Variants in COL16A1 observed in about 807,000 individuals in gnomAD.
COL16A1 encodes the protein collagen alpha-1(XVI) chain.
COL16A1 carries 189 observed loss-of-function variants against 266.3 expected under a neutral mutation model. The ratio of observed to expected loss-of-function variants is 0.71; its 90% CI spans 0.63 to 0.80. The LOEUF (loss-of-function observed/expected upper bound fraction) is 0.80, where lower values mean the gene tolerates loss of function less well. Among genes scored for constraint, COL16A1 ranks in the 30% least tolerant of loss-of-function variants. COL16A1 has a pLI of 0.00. For synonymous variants in COL16A1, 740 were observed against 782.3 expected (o/e 0.95, Z 0.90); for missense variants, 1,928 against 2,122.4 (o/e 0.91, Z 1.80).
chr1:31,691,851 C>A (rs1011104607), intron 17 of COL16A1, among the ~76,000 whole-genome samples, 154 bp downstream of exon 17: 1 of 151,892 alleles, frequency 6.6e-6, no homozygotes, highest in Non-Finnish European at 1.5e-5. Flanking sequence ...GGGCTCAGGT[C>A]CTTTTCTGTC....
In COL16A1 at chr1:31,661,088, C is replaced by A. The variant is rs1398476199; in HGVS notation, c.3803G>T (p.Ser1268Ile). The A allele has an allele frequency of 6.4e-7, 1 of 1,566,106 alleles. No homozygotes were observed. Among genetic ancestry groups the A allele is most frequent in the South Asian group, 1.2e-5 (1 of 85,138 alleles). The change falls in exon 61 of 71, where the codon AGC (serine) becomes ATC (isoleucine). Residue 1268 changes from serine to isoleucine, a missense_variant. Ser to Ile is a moderately radical substitution (Grantham distance 142, BLOSUM62 -2). Around this residue, in one of 2 missense-constraint regions of COL16A1, gnomAD observed 376 missense variants for 485.2 expected, o/e 0.77. Coordinates refer to ENST00000373672, the MANE Select transcript of COL16A1 (RefSeq NM_001856.4). ...CACCTCTGCGCCAGGCCGGCCAGTG[C>A]TGCCAGGGGGACCTGGTTTGCCACA... is the stretch of plus-strand genomic sequence containing the variant. ...GDCGKPGPPG[S>I]TGRPGAEGEP...
chr1:31,697,388 C>CT lies in COL16A1; in HGVS notation c.658-89_658-88insA. 7.5e-7 allele frequency: 1 copy of CT among 1,330,718 alleles called. No individual in the cohort carries two copies. Among genetic ancestry groups the CT allele is most frequent in the Non-Finnish European group, 1.0e-6 (1 of 964,780 alleles). The allele number at this position is 1,330,718 out of a possible 1,614,324, so 82.4% of individuals were successfully genotyped here. On this transcript the variant is annotated intron_variant, in intron 6 of 70. Transcript: ENST00000373672. The surrounding 1 kb of genome is among the most constrained non-coding windows in gnomAD (Gnocchi z 4.2). ...CCAGGAGGCACAGAGATGTCTCTGC[C>CT]CCAGGATGTGACCTCAGGGTGTTTC...
chr1:31,698,016 GCA>G lies in COL16A1; in HGVS notation c.545_546del (p.Val182AlafsTer31), dbSNP rs1644573900. On this transcript the variant is annotated frameshift_variant, in exon 6 of 71. Coordinates refer to ENST00000373672, the MANE Select transcript of COL16A1 (RefSeq NM_001856.4). LOFTEE classifies it high-confidence loss of function. This position sits in a 1 kb window ranked among gnomAD's most constrained non-coding sequence, Gnocchi z 4.1. ...MLSVAGRVAS[V>X]HVDCSSASSQ... is the part of the protein sequence containing the mutation. ...GAGGAGGCTGAGCTGCAGTCCACGT[GCA>G]CAGAGGCCACACGTCCAGCCACACT... The G allele has an allele frequency of 1.9e-6, 3 of 1,613,602 alleles. No homozygotes were observed. The highest frequency in any genetic ancestry group is 2.5e-6 in the Non-Finnish European group (3 of 1,180,034).
chr1:31,696,211 C>G (rs1644492580), intron 8 of COL16A1, 70 bp from the exon 9 acceptor site: 1 of 1,426,148 alleles, frequency 7.0e-7, no homozygotes, highest in African/African-American at 1.4e-5. Flanking sequence ...GAAAGGGGCA[C>G]CCAGGCAGGG....
chr1:31,661,531 G>T, intron 59 of COL16A1, 73 bp from the exon 60 acceptor site: 1 of 1,613,192 alleles, frequency 6.2e-7, no homozygotes, highest in Non-Finnish European at 8.5e-7. Flanking sequence ...TCCTTCCTCA[G>T]TTCAAACAAT....
rs1641917021 is a variant in COL16A1 at position 31,664,091 on chromosome 1, T to G, written c.3555+1081A>C. On this transcript the variant is annotated intron_variant, in intron 56 of 70. Coordinates refer to ENST00000373672, the MANE Select transcript of COL16A1 (RefSeq NM_001856.4). The surrounding 1 kb of genome is among the most constrained non-coding windows in gnomAD (Gnocchi z 5.5). Reference sequence around the variant, plus strand: ...GATGAAGAACCACTGGCCAGAGGTTTGGGATTCTCTGCAATGACCAGCCTA... The same window carrying G: ...GATGAAGAACCACTGGCCAGAGGTTGGGGATTCTCTGCAATGACCAGCCTA... 6.8e-6 allele frequency among the ~76,000 whole-genome samples: 1 copy of G among 148,112 alleles called. No individual in the cohort carries two copies. The highest frequency in any genetic ancestry group is 2.1e-4 in the South Asian group (1 of 4,704).
At chr1:31,695,143 C>G (rs114765615) in intron 11 of COL16A1, 43 bp downstream of exon 11, 1 of 1,609,706 alleles carries the variant, frequency 6.2e-7, no homozygotes, top group African/African-American at 1.3e-5. Flanking sequence ...CGTCCACTCC[C>G]GGCTCTTGCC....
chr1:31,690,314 A>T, intron 22 of COL16A1, 53 bp downstream of exon 22: 1 of 1,611,302 alleles, frequency 6.2e-7, no homozygotes, highest in Non-Finnish European at 8.5e-7. Context: ...TGTCATGTGC[A>T]GAAAGGGGGT....
intron 43 of COL16A1, 47 bp from the exon 44 acceptor site, chr1:31,675,086 A>G (rs751702705): frequency 1.2e-6 from 2 of 1,612,284 alleles, no homozygotes; most frequent in East Asian, 2.2e-5. Flanking sequence ...GGGAAGGAAC[A>G]TGGAGACTTA....
intron 42 of COL16A1, 111 bp from the exon 43 acceptor site, chr1:31,675,422 A>G (rs1643104250): frequency 6.8e-7 from 1 of 1,481,396 alleles, no homozygotes; most frequent in Admixed American, 2.0e-5. Flanking sequence ...TGCAGAGCTG[A>G]GAGCCCTGGC....
intron 37 of COL16A1, among the ~76,000 whole-genome samples, chr1:31,682,553 G>T (rs919140719): frequency 6.6e-6 from 1 of 152,124 alleles, no homozygotes; most frequent in African/African-American, 2.4e-5. Context: ...CTAATGACTG[G>T]GGATGGGCTT....
At position 31,697,765 on chromosome 1, in the gene COL16A1, T is replaced by A; in HGVS notation, c.657+141A>T. ...GGGCCTTGAATGCCAGGTGAATATG[T>A]TTAGGCTGCATTTGGAGGGCAACAG... On this transcript the variant is annotated intron_variant, in intron 6 of 70. Transcript: ENST00000373672. This position sits in a 1 kb window ranked among gnomAD's most constrained non-coding sequence, Gnocchi z 4.2. 3.0e-6 allele frequency: 3 copies of A among 1,010,752 alleles called. No homozygotes were observed. The allele number at this position is 1,010,752 out of a possible 1,614,324, so 62.6% of individuals were successfully genotyped here.
In COL16A1 at chr1:31,662,363, C is replaced by A. The variant is rs1346083523; in HGVS notation, c.3652G>T (p.Asp1218Tyr). The change falls in exon 58 of 71, where the codon GAT becomes TAT. Residue 1218 changes from aspartate to tyrosine, a missense_variant. Physicochemically the swap from Asp to Tyr is radical, Grantham distance 160 (BLOSUM62 -3). This residue lies in a region of COL16A1 where 1,552 missense variants were observed against 1,637.2 expected (regional missense o/e 0.95). Transcript: ENST00000373672. ...IQGPAGLDGLDGKDGKPGLRG... is the reference protein window; with the variant it reads ...IQGPAGLDGLYGKDGKPGLRG... ...AAGCCAGGCTTGCCGTCCTTCCCAT[C>A]CAAACCATCCAGACCGGCGGGGCCC... The A allele has an allele frequency of 1.3e-6, 2 of 1,529,128 alleles. No individual in the cohort carries two copies. The highest frequency in any genetic ancestry group is 3.5e-5 in the Admixed American group (2 of 57,434). The allele number at this position is 1,529,128 out of a possible 1,614,324, so 94.7% of individuals were successfully genotyped here.
chr1:31,688,463 T>C lies in COL16A1; in HGVS notation c.1803+4A>G. 1 of 1,614,108 alleles carries C rather than the reference T, an allele frequency of 6.2e-7. No individual in the cohort carries two copies. Among genetic ancestry groups the C allele is most frequent in the East Asian group, 2.2e-5 (1 of 44,886 alleles). On this transcript the variant is annotated splice_donor_region_variant and intron_variant, in intron 26 of 70. Coordinates refer to ENST00000373672, the MANE Select transcript of COL16A1 (RefSeq NM_001856.4). The surrounding 1 kb of genome is among the most constrained non-coding windows in gnomAD (Gnocchi z 4.9). ...GTGTCCCTGACATCTAACCCAGGTC[T>C]CACCTTCTCTCCTTTCAGCCCTGGA... is the stretch of plus-strand genomic sequence containing the variant.
Position 31,665,951 on chromosome 1 carries a change from A to G in COL16A1, c.3403-16T>C. On this transcript the variant is annotated splice_polypyrimidine_tract_variant and intron_variant, in intron 53 of 70. Coordinates refer to ENST00000373672, the MANE Select transcript of COL16A1 (RefSeq NM_001856.4). ...CTCTGGGACCCTGTCACCCACAGAG[A>G]ACAATGCAGCCGAAACCTAATCTTC... 1 of 1,614,000 alleles carries G rather than the reference A, an allele frequency of 6.2e-7. No homozygotes were observed. The highest frequency in any genetic ancestry group is 8.5e-7 in the Non-Finnish European group (1 of 1,179,970).
chr1:31,672,900 C>A (rs1222568300), intron 44 of COL16A1, 60 bp from the exon 45 acceptor site: 1 of 1,523,052 alleles, frequency 6.6e-7, no homozygotes, highest in East Asian at 2.3e-5. Context: ...GATGGGCCAA[C>A]TGGGGAGCCC....
At chr1:31,689,178 G>T in intron 23 of COL16A1, 93 bp from the exon 24 acceptor site, 1 of 1,590,708 alleles carries the variant, frequency 6.3e-7, no homozygotes, top group East Asian at 2.3e-5. Context: ...TGTCACACAC[G>T]CAAACCGTCC....
In COL16A1 at chr1:31,672,792, G is replaced by C. The variant is rs1004507620; in HGVS notation, c.2908C>G (p.Leu970Val). Residue 970 changes from leucine to valine, a missense_variant, in exon 45 of 71, where the codon CTC (leucine) becomes GTC (valine). Leu to Val is a conservative substitution (Grantham distance 32). Transcript: ENST00000373672. ...TCTCCCTTCTCTCCCTTCTCCACGA[G>C]GTACCCTGGGTGGGCCCTCTGCCCC... ...VQGQRAHPGY[L>V]VEKGEKGDQG... is the part of the protein sequence containing the mutation. The C allele has an allele frequency of 5.6e-6, 9 of 1,614,022 alleles. No homozygotes were observed. Among genetic ancestry groups the C allele is most frequent in the Non-Finnish European group, 7.6e-6 (9 of 1,179,990 alleles).
Position 31,695,143 on chromosome 1 carries a change from C to T in COL16A1, c.981+43G>A, listed in dbSNP as rs114765615. Reference sequence around the variant, plus strand: ...GCCAGCTCTAGGCAACGTCCACTCCCGGCTCTTGCCCGCTCCACCCTGCAC... The same window carrying T: ...GCCAGCTCTAGGCAACGTCCACTCCTGGCTCTTGCCCGCTCCACCCTGCAC... On this transcript the variant is annotated intron_variant, in intron 11 of 70. Coordinates refer to ENST00000373672, the MANE Select transcript of COL16A1 (RefSeq NM_001856.4). The T allele has an allele frequency of 1.6e-3, 2,550 of 1,609,826 alleles. 32 individuals are homozygous for T. The African/African-American group carries it at 0.03, about 19-fold the overall frequency.
Sources: gnomAD v4.1 joint callset for allele counts (sites outside exome capture counted in the v4.1 genomes callset) on GRCh38, gnomAD v4.1.1 for gene constraint, gnomAD v4.1.1 regional missense constraint, Gnocchi (gnomAD v3.1) non-coding constraint, MANE v1.5 for transcripts, NCBI Gene and HGNC (gene_info 2026-07-23, HGNC 2026-07-21) for gene names.